Variants in MYPN observed in about 807,000 individuals in gnomAD.
MYPN encodes sarcomeric protein myopalladin, 145 kDa (MYOP).
MYPN carries 63 observed loss-of-function variants against 129.4 expected under a neutral mutation model. The observed-to-expected ratio is 0.49, with a 90% CI of 0.40 to 0.60. The LOEUF (loss-of-function observed/expected upper bound fraction) is 0.60. Among genes scored for constraint, MYPN ranks in the 20% least tolerant of loss-of-function variants. The pLI, the probability that MYPN is intolerant of heterozygous loss-of-function variation, is 0.00. For missense variants in MYPN, 1,596 were observed against 1,635.4 expected (o/e 0.98, Z 0.42); for synonymous variants, 629 against 600.9 (o/e 1.05, Z -0.68).
chr10:68,095,199 C>CTGGGTG (rs1309082169), intron 1 of MYPN, among the ~76,000 whole-genome samples: 2 of 151,570 alleles, frequency 1.3e-5, no homozygotes, highest in Non-Finnish European at 2.9e-5. Context: ...CAAAAATTAC[C>CTGGGTG]TGGGTGTGGG....
chr10:68,106,873 C>A, upstream of MYPN: 3 of 709,814 alleles, frequency 4.2e-6, no homozygotes, highest in South Asian at 4.5e-5. Flanking sequence ...GGATCGTGTT[C>A]AAACCACAAG....
upstream of MYPN, among the ~76,000 whole-genome samples, chr10:68,101,535 TATTAAGA>T (rs1380833770): frequency 6.6e-6 from 1 of 152,226 alleles, no homozygotes. Flanking sequence ...TTTTGTCCGA[TATTAAGA>T]TTACTACACC....
chr10:68,192,553 C>T (rs916584641), intron 13 of MYPN, among the ~76,000 whole-genome samples: 3 of 152,108 alleles, frequency 2.0e-5, no homozygotes, highest in African/African-American at 7.2e-5. Context: ...ATTATCTCCT[C>T]TTTAACTTTT....
rs1231808511 is a variant in MYPN at position 68,111,893 on chromosome 10, C to G, written c.-2+2170C>G. Among the ~76,000 whole-genome samples, 6 of 152,308 alleles carry G rather than the reference C, an allele frequency of 3.9e-5. No homozygotes were observed. The East Asian group carries it at 1.2e-3, about 29-fold the overall frequency. On this transcript the variant is annotated intron_variant, in intron 1 of 19. Coordinates refer to ENST00000358913, the MANE Select transcript of MYPN (RefSeq NM_032578.4). ...GATCCCTTGGGACACCTACTGCTCTCTCAATCTAGCAAATGTATTATGTCA... is the reference window on the plus strand; with the variant it reads ...GATCCCTTGGGACACCTACTGCTCTGTCAATCTAGCAAATGTATTATGTCA...
intron 10 of MYPN, among the ~76,000 whole-genome samples, chr10:68,168,032 A>C (rs1291687626): frequency 1.3e-5 from 2 of 152,182 alleles, no homozygotes; most frequent in Non-Finnish European, 2.9e-5. Flanking sequence ...CCCTCTGTCT[A>C]CGTGAGCATC....
chr10:68,193,143 A>G (rs761840344), intron 13 of MYPN, among the ~76,000 whole-genome samples: 1 of 150,680 alleles, frequency 6.6e-6, no homozygotes, highest in Non-Finnish European at 1.5e-5. Context: ...GTTTTTTTTT[A>G]TGTAGGTATT....
intron 12 of MYPN, among the ~76,000 whole-genome samples, chr10:68,182,688 A>G (rs969043037): frequency 5.9e-5 from 9 of 151,658 alleles, no homozygotes; most frequent in Non-Finnish European, 7.4e-5. Flanking sequence ...TTGTATTTTT[A>G]GTAGAGACGA....
At chr10:68,207,064 C>A (rs1463759282) in intron 19 of MYPN, among the ~76,000 whole-genome samples, 161 bp downstream of exon 19, 1 of 152,086 alleles carries the variant, frequency 6.6e-6, no homozygotes, top group Non-Finnish European at 1.5e-5. Flanking sequence ...TCAAGACCAG[C>A]CTGGTCAACG....
chr10:68,133,169 GT>G (rs1215350317), intron 2 of MYPN, among the ~76,000 whole-genome samples: 4 of 151,808 alleles, frequency 2.6e-5, no homozygotes, highest in Admixed American at 6.6e-5. Flanking sequence ...GGGATTACAG[GT>G]GCCTGCCATC....
intron 12 of MYPN, among the ~76,000 whole-genome samples, chr10:68,178,441 A>C (rs565429588): frequency 1.3e-5 from 2 of 152,270 alleles, no homozygotes; most frequent in Admixed American, 6.5e-5. Context: ...ACGGCCGGGC[A>C]TGGTGGCTCA....
chr10:68,110,901 G>A (rs530518655), intron 1 of MYPN, among the ~76,000 whole-genome samples: 108 of 152,186 alleles, frequency 7.1e-4, no homozygotes, highest in African/African-American at 2.4e-3. Flanking sequence ...TAAAATTATA[G>A]GCCTTACAGA....
In MYPN at chr10:68,210,593, A is replaced by G; in HGVS notation, c.*138A>G. On this transcript the variant is annotated 3_prime_UTR_variant, in exon 20 of 20. Coordinates refer to ENST00000358913, the MANE Select transcript of MYPN (RefSeq NM_032578.4). ...ACCTGTGGCAAAGAGTGCTTTGAATAAGTCAGCTAGGGATTCTTGCAGTCT... is the reference window on the plus strand; with the variant it reads ...ACCTGTGGCAAAGAGTGCTTTGAATGAGTCAGCTAGGGATTCTTGCAGTCT... 1 of 995,218 alleles carries G rather than the reference A, an allele frequency of 1.0e-6. No homozygotes were observed. The highest frequency in any genetic ancestry group is 1.6e-6 in the Non-Finnish European group (1 of 637,354). 61.6% of individuals were successfully genotyped at this position (995,218 alleles called of 1,614,324 possible). A position where few individuals can be genotyped will look rare whatever the true frequency, so the allele number is the denominator to read the frequency against.
At chr10:68,207,528 G>A (rs1170011896) in intron 19 of MYPN, among the ~76,000 whole-genome samples, 1 of 152,074 alleles carries the variant, frequency 6.6e-6, no homozygotes, top group Non-Finnish European at 1.5e-5. Context: ...GCTGCCGCGG[G>A]CCACCCACTG....
intron 13 of MYPN, among the ~76,000 whole-genome samples, chr10:68,189,462 C>A (rs569842392): frequency 2.6e-5 from 4 of 152,212 alleles, no homozygotes; most frequent in South Asian, 2.1e-4. Context: ...GAACTTATTT[C>A]TTCTATCTAA....
At chr10:68,092,590 G>C (rs955876611) in intron 1 of MYPN, among the ~76,000 whole-genome samples, 15 of 151,774 alleles carry the variant, frequency 9.9e-5, no homozygotes, top group African/African-American at 3.6e-4. Flanking sequence ...AATGCTAGTT[G>C]TTCTTAAGGA....
chr10:68,171,139 ACT>A (rs1324969664), intron 10 of MYPN, among the ~76,000 whole-genome samples: 10 of 103,254 alleles, frequency 9.7e-5, no homozygotes, highest in African/African-American at 3.4e-4. Context: ...ACAGAGCAAG[ACT>A]CTGTCAAAAA....
chr10:68,173,236 C>T (rs748509802), intron 10 of MYPN, among the ~76,000 whole-genome samples: 9 of 152,082 alleles, frequency 5.9e-5, no homozygotes, highest in Non-Finnish European at 1.0e-4. Context: ...TTGTTAAGGT[C>T]GGCTCTAAAA....
intron 10 of MYPN, among the ~76,000 whole-genome samples, chr10:68,169,454 C>A (rs190493082): frequency 6.6e-6 from 1 of 151,884 alleles, no homozygotes; most frequent in Non-Finnish European, 1.5e-5. Context: ...TCCTCAGGTA[C>A]GTCGGTTAGG....
intron 1 of MYPN, among the ~76,000 whole-genome samples, chr10:68,089,681 G>A (rs1034951847): frequency 1.3e-5 from 2 of 152,032 alleles, no homozygotes; most frequent in African/African-American, 2.4e-5. Context: ...TTAAGTGTGC[G>A]AGAAGAGAGA....
Sources: gnomAD v4.1 joint callset for allele counts (sites outside exome capture counted in the v4.1 genomes callset) on GRCh38, gnomAD v4.1.1 for gene constraint, MANE v1.5 for transcripts, NCBI Gene and HGNC (gene_info 2026-07-23, HGNC 2026-07-21) for gene names.